DLGAP2: variants seen among roughly 807,000 people sequenced by gnomAD.
The protein encoded by DLGAP2 is DLG associated protein 2.
Under a neutral mutation model 100.3 loss-of-function variants are expected in DLGAP2, and 26 were observed. The ratio of observed to expected loss-of-function variants is 0.26; its 90% confidence interval spans 0.19 to 0.36. DLGAP2 has a LOEUF of 0.36. Ranked by LOEUF, DLGAP2 falls within the 10% of genes least tolerant of loss-of-function variation. The pLI is 1.00. For missense variants in DLGAP2, 1,858 were observed against 1,453.2 expected (o/e 1.28, Z -4.53); for synonymous variants, 886 against 630.1 (o/e 1.41, Z -6.08).
chr8:881,518 G>GA, intron 1 of DLGAP2, among the ~76,000 whole-genome samples: 1 of 57,816 alleles, frequency 1.7e-5, no homozygotes, highest in East Asian at 7.6e-4. Flanking sequence ...TTTTTTTTTT[G>GA]AGATGGAGTC....
At chr8:1,555,669 C>T (rs1474226927) in intron 5 of DLGAP2, among the ~76,000 whole-genome samples, 1 of 152,228 alleles carries the variant, frequency 6.6e-6, no homozygotes, top group East Asian at 1.9e-4. Flanking sequence ...CCCCAGTTGT[C>T]CTGGGACTCG....
intron 2 of DLGAP2, among the ~76,000 whole-genome samples, chr8:1,092,601 C>T (rs1487525327): frequency 2.6e-5 from 4 of 152,224 alleles, no homozygotes; most frequent in African/African-American, 7.2e-5. Flanking sequence ...AGTCACATGC[C>T]TCTCCAGGGA....
At chr8:1,229,462 A>G (rs1798488858) in intron 2 of DLGAP2, among the ~76,000 whole-genome samples, 1 of 152,098 alleles carries the variant, frequency 6.6e-6, no homozygotes, top group African/African-American at 2.4e-5. Context: ...AAGATTATGT[A>G]TTTCCAGGGA....
chr8:975,323 T>G (rs1374026290), intron 2 of DLGAP2, among the ~76,000 whole-genome samples: 2 of 152,210 alleles, frequency 1.3e-5, no homozygotes, highest in Non-Finnish European at 2.9e-5. Context: ...TTAAGGAAGA[T>G]AATTATTTCA....
At chr8:1,533,485 G>A (rs367992948) in intron 4 of DLGAP2, among the ~76,000 whole-genome samples, 33 of 151,388 alleles carry the variant, frequency 2.2e-4, no homozygotes, top group East Asian at 1.8e-3. Context: ...CAGCCTGGGC[G>A]AAAGAGTGAG....
At chr8:949,559 C>A (rs759304583) in intron 2 of DLGAP2, among the ~76,000 whole-genome samples, 1 of 152,160 alleles carries the variant, frequency 6.6e-6, no homozygotes, top group African/African-American at 2.4e-5. Context: ...GGGGCAGGAC[C>A]CCACACGTGG....
intron 2 of DLGAP2, among the ~76,000 whole-genome samples, chr8:1,150,656 C>T (rs936363987): frequency 6.6e-6 from 1 of 152,122 alleles, no homozygotes; most frequent in Non-Finnish European, 1.5e-5. Flanking sequence ...GGACACTGCT[C>T]AACTTGGAGG....
chr8:1,368,655 G>A (rs1802166880), intron 3 of DLGAP2: 1 of 152,164 alleles, frequency 6.6e-6, no homozygotes, highest in African/African-American at 2.4e-5. Context: ...TTGTGCGTCT[G>A]GTGCCGTATA....
At chr8:1,046,547 A>G (rs953025278) in intron 2 of DLGAP2, among the ~76,000 whole-genome samples, 19 of 152,210 alleles carry the variant, frequency 1.2e-4, no homozygotes, top group African/African-American at 4.1e-4. Flanking sequence ...TCCACATTGC[A>G]TGTGGGCGTG....
chr8:1,531,448 A>AT (rs991861711), intron 4 of DLGAP2, among the ~76,000 whole-genome samples: 55 of 152,024 alleles, frequency 3.6e-4, no homozygotes, highest in African/African-American at 1.3e-3. Flanking sequence ...TGAGGTTAGA[A>AT]TTTTTTTCAG....
intron 1 of DLGAP2, among the ~76,000 whole-genome samples, chr8:792,710 T>A (rs926394486): frequency 1.3e-5 from 2 of 152,260 alleles, no homozygotes; most frequent in African/African-American, 4.8e-5. Flanking sequence ...TTAGGTTTTA[T>A]CAAATGCTTA....
rs1303157646 is a variant in DLGAP2 at position 1,236,054 on chromosome 8, G to A, written c.74-22797G>A. 4.2e-5 allele frequency among the ~76,000 whole-genome samples: 3 copies of A among 70,978 alleles called. 1 individual carries two copies. The highest frequency in any genetic ancestry group is 2.6e-5 in the Non-Finnish European group (1 of 37,942). 46.6% of individuals were successfully genotyped at this position (70,978 alleles called of 152,430 possible). A position where few individuals can be genotyped will look rare whatever the true frequency, so the allele number is the denominator to read the frequency against. Reference sequence around the variant, plus strand: ...CATCATGTCTAGTTCTCTCTCACATGGCACCGTGTCTAGTTCTCTCACATG... The same window carrying A: ...CATCATGTCTAGTTCTCTCTCACATAGCACCGTGTCTAGTTCTCTCACATG... On this transcript the variant is annotated intron_variant, in intron 2 of 14. Transcript: ENST00000637795.
intron 6 of DLGAP2, among the ~76,000 whole-genome samples, chr8:1,625,234 G>A (rs143227376): frequency 1.3e-5 from 2 of 152,276 alleles, no homozygotes; most frequent in Non-Finnish European, 2.9e-5. Context: ...TCCAAAACAG[G>A]CAAGAAGAAT....
intron 3 of DLGAP2, among the ~76,000 whole-genome samples, chr8:1,340,923 T>A (rs1314533242): frequency 6.6e-6 from 1 of 152,194 alleles, no homozygotes; most frequent in African/African-American, 2.4e-5. Context: ...TGAAATCATG[T>A]CTTTTGCAGG....
chr8:1,089,691 C>G (rs1027903345), intron 2 of DLGAP2, among the ~76,000 whole-genome samples: 2 of 152,198 alleles, frequency 1.3e-5, no homozygotes, highest in African/African-American at 4.8e-5. Flanking sequence ...ATGCTGTGTT[C>G]ATGATTTTAT....
rs376924924 is a variant in DLGAP2 at position 1,102,768 on chromosome 8, G to A, written c.74-156083G>A. ...GTCCTCACAGTTGAGAGGTGGTGATGTGGGGAGGAGAAAAAGGGGAAGAAA... is the reference window on the plus strand; with the variant it reads ...GTCCTCACAGTTGAGAGGTGGTGATATGGGGAGGAGAAAAAGGGGAAGAAA... On this transcript the variant is annotated intron_variant, in intron 2 of 14. Transcript: ENST00000637795. Among the ~76,000 whole-genome samples the A allele has an allele frequency of 2.0e-4, 30 of 152,266 alleles. No individual in the cohort carries two copies. The South Asian group carries it at 6.2e-3, about 32-fold the overall frequency.
At chr8:1,308,086 G>A (rs944526815) in intron 3 of DLGAP2, among the ~76,000 whole-genome samples, 6 of 152,190 alleles carry the variant, frequency 3.9e-5, no homozygotes, top group African/African-American at 1.4e-4. Context: ...GTCAATGTGC[G>A]TGTTCAGAAA....
chr8:1,000,755 G>T (rs1374215220), intron 2 of DLGAP2, among the ~76,000 whole-genome samples: 1 of 152,154 alleles, frequency 6.6e-6, no homozygotes, highest in African/African-American at 2.4e-5. Flanking sequence ...CTGCAGGGGC[G>T]TTGGGGGTGA....
intron 2 of DLGAP2, among the ~76,000 whole-genome samples, chr8:916,639 T>C (rs1798599322): frequency 6.6e-6 from 1 of 152,114 alleles, no homozygotes; most frequent in African/African-American, 2.4e-5. Context: ...ACATGTACCC[T>C]AGAACTTAAA....
Sources: gnomAD v4.1 joint callset for allele counts (sites outside exome capture counted in the v4.1 genomes callset) on GRCh38, gnomAD v4.1.1 for gene constraint, MANE v1.5 for transcripts, NCBI Gene and HGNC (gene_info 2026-07-23, HGNC 2026-07-21) for gene names.